NAA25: variants seen among roughly 807,000 people sequenced by gnomAD.
NAA25 encodes N-alpha-acetyltransferase 25, NatB auxiliary subunit.
A neutral mutation model predicts 132.5 loss-of-function variants in NAA25; 30 were observed. The observed-to-expected ratio is 0.23, with a 90% CI of 0.17 to 0.31. NAA25 has a LOEUF of 0.31. Ranked by LOEUF, NAA25 falls within the 10% of genes least tolerant of loss-of-function variation. NAA25 has a pLI of 1.00. For synonymous variants in NAA25, 359 were observed against 401.9 expected (o/e 0.89, Z 1.28); for missense variants, 771 against 1,150.4 (o/e 0.67, Z 4.77).
chr12:112,050,029 G>A lies in NAA25; in HGVS notation c.1729-1586C>T, dbSNP rs550280995. On this transcript the variant is annotated intron_variant, in intron 15 of 23. Transcript: ENST00000261745. ...GGCAGTTTTAATTTCTAAGTGGTCCGTGGAACACCACTTTATTTAAAAAAA... is the reference window on the plus strand; with the variant it reads ...GGCAGTTTTAATTTCTAAGTGGTCCATGGAACACCACTTTATTTAAAAAAA... Among the ~76,000 whole-genome samples, 378 of 148,916 alleles carry A rather than the reference G, an allele frequency of 2.5e-3. 4 individuals carry two copies. The highest frequency in any genetic ancestry group is 8.7e-3 in the African/African-American group (352 of 40,362).
chr12:112,045,046 A>G (rs1431746459), intron 17 of NAA25, among the ~76,000 whole-genome samples: 1 of 151,840 alleles, frequency 6.6e-6, no homozygotes, highest in Non-Finnish European at 1.5e-5. Flanking sequence ...TCCTGTCTCT[A>G]ATAAAAATAA....
At chr12:112,086,172 G>A (rs1183465560) in intron 4 of NAA25, among the ~76,000 whole-genome samples, 1 of 144,520 alleles carries the variant, frequency 6.9e-6, no homozygotes, top group Non-Finnish European at 1.5e-5. Context: ...TTAACAAAAT[G>A]TTATTAAATA....
chr12:112,043,602 T>C, intron 18 of NAA25, 23 bp downstream of exon 18: 1 of 1,608,388 alleles, frequency 6.2e-7, no homozygotes, highest in African/African-American at 1.3e-5. Flanking sequence ...GCAACTTTGA[T>C]GGTAAATATG....
chr12:112,089,498 C>CTA (rs1180076153), intron 3 of NAA25, among the ~76,000 whole-genome samples: 1 of 152,148 alleles, frequency 6.6e-6, no homozygotes, highest in African/African-American at 2.4e-5. Context: ...AATGGATTAA[C>CTA]TATAGCCACT....
At chr12:112,076,084 T>C (rs575383106) in intron 7 of NAA25, among the ~76,000 whole-genome samples, 200 of 152,198 alleles carry the variant, frequency 1.3e-3, no homozygotes, top group Admixed American at 2.9e-3. Flanking sequence ...GATTTCACCA[T>C]GTTGGCCAGG....
chr12:112,074,900 T>C, intron 8 of NAA25, 136 bp from the exon 9 acceptor site: 1 of 532,612 alleles, frequency 1.9e-6, no homozygotes, highest in South Asian at 3.2e-5. Context: ...ACCCACTCCA[T>C]GTTTCCTTTG....
At chr12:112,041,919 A>T in intron 20 of NAA25, 120 bp downstream of exon 20, 1 of 592,254 alleles carries the variant, frequency 1.7e-6, no homozygotes, top group Admixed American at 4.2e-5. Context: ...TATTGACTCC[A>T]AAGTGTTAAA....
intron 4 of NAA25, among the ~76,000 whole-genome samples, chr12:112,085,145 G>A (rs142961965): frequency 0.015 from 2,255 of 151,304 alleles, 23 homozygotes; most frequent in Non-Finnish European, 0.024. Flanking sequence ...CAGGAGAATC[G>A]CTTGAACCCA....
intron 1 of NAA25, 23 bp from the exon 2 acceptor site, chr12:112,093,159 A>G (rs749784310): frequency 1.0e-5 from 14 of 1,366,288 alleles, no homozygotes; most frequent in Non-Finnish European, 1.5e-5. Flanking sequence ...AAATTATGTG[A>G]CAGTTATTAT....
chr12:112,032,140 A>AT (rs544683616), intron 23 of NAA25, among the ~76,000 whole-genome samples: 203 of 151,172 alleles, frequency 1.3e-3, no homozygotes, highest in African/African-American at 4.7e-3. Flanking sequence ...ATTTTTTTGT[A>AT]TTTTTTTAGT....
intron 6 of NAA25, 29 bp from the exon 7 acceptor site, chr12:112,078,295 C>T (rs997038685): frequency 2.0e-6 from 3 of 1,469,640 alleles, no homozygotes; most frequent in Non-Finnish European, 2.8e-6. Flanking sequence ...GAAGTGCAAC[C>T]TCTGAAACTT....
At chr12:112,044,639 C>T (rs557721227) in intron 17 of NAA25, among the ~76,000 whole-genome samples, 3 of 152,042 alleles carry the variant, frequency 2.0e-5, no homozygotes, top group African/African-American at 7.2e-5. Context: ...CACTGCACTC[C>T]AGCCTGGGCG....
chr12:112,080,782 A>C (rs562993469), intron 5 of NAA25, among the ~76,000 whole-genome samples: 2 of 151,902 alleles, frequency 1.3e-5, no homozygotes, highest in Non-Finnish European at 2.9e-5. Flanking sequence ...TACAGGCGTG[A>C]GCCACCACAC....
chr12:112,034,047 T>C (rs1226116877), intron 22 of NAA25: 2 of 152,072 alleles, frequency 1.3e-5, no homozygotes, highest in East Asian at 1.9e-4. Context: ...AAAATCAGTA[T>C]TAGAAAAAGG....
Position 112,060,364 on chromosome 12 carries a change from G to A in NAA25, c.1358-5C>T, listed in dbSNP as rs761352313. ...CTGTTTTCAAACAGGTTTTCCCTAT[G>A]GGGGAAAAAAATCATATCTATTTTA... On this transcript the variant is annotated splice_polypyrimidine_tract_variant and splice_region_variant and intron_variant, in intron 12 of 23. Coordinates refer to ENST00000261745, the MANE Select transcript of NAA25 (RefSeq NM_024953.4). 6 of 1,583,952 alleles carry A rather than the reference G, an allele frequency of 3.8e-6. No homozygotes were observed. Among genetic ancestry groups the A allele is most frequent in the Middle Eastern group, 1.7e-4 (1 of 6,000 alleles).
At chr12:112,067,463 A>C (rs1358769755) in intron 11 of NAA25, among the ~76,000 whole-genome samples, 34 of 152,118 alleles carry the variant, frequency 2.2e-4, no homozygotes, top group Non-Finnish European at 2.9e-5. Context: ...ACTACCAGCA[A>C]TTTGAAAGGC....
intron 1 of NAA25, chr12:112,097,191 T>C (rs1048258888): frequency 6.6e-6 from 1 of 152,186 alleles, no homozygotes; most frequent in African/African-American, 2.4e-5. Flanking sequence ...GTCAGTAAGT[T>C]ACAAGGAACC....
intron 22 of NAA25, 114 bp downstream of exon 22, chr12:112,039,115 G>T: frequency 1.9e-6 from 1 of 527,356 alleles, no homozygotes; most frequent in Non-Finnish European, 3.3e-6. Context: ...GCCATGGGTT[G>T]GAGAAGCTTG....
At chr12:112,061,119 A>C (rs1294707960) in intron 12 of NAA25, 62 bp downstream of exon 12, 1 of 1,441,874 alleles carries the variant, frequency 6.9e-7, no homozygotes, top group Non-Finnish European at 9.6e-7. Context: ...GTGCTTAAAA[A>C]ACTGCCTTCT....
Sources: gnomAD v4.1 joint callset for allele counts (sites outside exome capture counted in the v4.1 genomes callset) on GRCh38, gnomAD v4.1.1 for gene constraint, MANE v1.5 for transcripts, NCBI Gene and HGNC (gene_info 2026-07-23, HGNC 2026-07-21) for gene names.